The following RHOBTB1 variants were observed in gnomAD, a reference collection of about 807,000 sequenced individuals.
The protein encoded by RHOBTB1 is Rho related BTB domain containing 1, also known as rho-related BTB domain-containing protein 1.
In RHOBTB1, 40 loss-of-function variants were observed where a neutral mutation model predicts 71.6. The ratio of observed to expected loss-of-function variants is 0.56; its 90% confidence interval spans 0.43 to 0.73. RHOBTB1 has a LOEUF of 0.73. RHOBTB1 is among the 30% of genes least tolerant of loss of function. The pLI is 0.00. For synonymous variants in RHOBTB1, 319 were observed against 334.9 expected, an observed-to-expected ratio of 0.95 and a Z score of 0.52; for missense variants, 797 against 894.0, an observed-to-expected ratio of 0.89 and a Z score of 1.38.
chr10:60,979,693 C>T (rs574525109), intron 2 of RHOBTB1, among the ~76,000 whole-genome samples: 16 of 152,054 alleles, frequency 1.1e-4, no homozygotes, highest in Non-Finnish European at 1.5e-4. Context: ...ACTGTAACAA[C>T]GAGTGAATTA....
downstream of RHOBTB1, among the ~76,000 whole-genome samples, chr10:60,868,553 T>C (rs2080653627): frequency 6.6e-6 from 1 of 152,304 alleles, no homozygotes; most frequent in South Asian, 2.1e-4. Flanking sequence ...GAAGCAAGCA[T>C]GAAAAAATCT....
chr10:60,980,246 A>G (rs1282187141), intron 2 of RHOBTB1, among the ~76,000 whole-genome samples: 1 of 152,254 alleles, frequency 6.6e-6, no homozygotes, highest in Non-Finnish European at 1.5e-5. Context: ...AAATGCAAAC[A>G]TATTAGAGTT....
chr10:60,890,665 C>T (rs1257035123), intron 5 of RHOBTB1, among the ~76,000 whole-genome samples: 1 of 151,986 alleles, frequency 6.6e-6, no homozygotes, highest in Non-Finnish European at 1.5e-5. Flanking sequence ...CCTTTAACAC[C>T]AAAGGTAATA....
chr10:60,873,072 C>T (rs903394776), intron 9 of RHOBTB1, among the ~76,000 whole-genome samples: 8 of 152,168 alleles, frequency 5.3e-5, no homozygotes, highest in African/African-American at 1.9e-4. Context: ...CCCATATCTC[C>T]ACTGTGAGGC....
rs561278617 is a variant in RHOBTB1, at chr10:60,936,260, A to G, written c.-11+5544T>C. ...TGCACCCCTTAATCAACTGCAACATAGGTTGGCCTATGGATAGAAGAGTTC... is the reference window on the plus strand; with the variant it reads ...TGCACCCCTTAATCAACTGCAACATGGGTTGGCCTATGGATAGAAGAGTTC... On this transcript the variant is annotated intron_variant, in intron 2 of 10. Coordinates refer to ENST00000337910, the MANE Select transcript of RHOBTB1 (RefSeq NM_014836.5). Among the ~76,000 whole-genome samples the G allele has an allele frequency of 2.0e-5, 3 of 152,344 alleles. No individual in the cohort carries two copies. The South Asian group carries it at 6.2e-4, about 32-fold the overall frequency.
chr10:60,865,374 A>G (rs2080631998), downstream of RHOBTB1, among the ~76,000 whole-genome samples: 1 of 152,254 alleles, frequency 6.6e-6, no homozygotes, highest in Non-Finnish European at 1.5e-5. Context: ...ATTAAATTGT[A>G]CATATTTATA....
chr10:60,890,174 T>G (rs1274184334), intron 5 of RHOBTB1, among the ~76,000 whole-genome samples: 1 of 152,144 alleles, frequency 6.6e-6, no homozygotes, highest in Non-Finnish European at 1.5e-5. Context: ...TTCCTACAGC[T>G]CTTCTCTGTT....
intron 7 of RHOBTB1, among the ~76,000 whole-genome samples, chr10:60,882,239 G>T (rs1026429614): frequency 4.6e-5 from 7 of 151,028 alleles, no homozygotes; most frequent in African/African-American, 1.7e-4. Context: ...AGAATATAAT[G>T]CTACCCTAAA....
intron 4 of RHOBTB1, among the ~76,000 whole-genome samples, chr10:60,901,418 A>T (rs2082408429): frequency 1.3e-5 from 2 of 152,224 alleles, no homozygotes; most frequent in African/African-American, 4.8e-5. Context: ...TGGGTTCAAA[A>T]ATCACTAAGA....
chr10:60,902,510 G>A (rs923930238), intron 4 of RHOBTB1, among the ~76,000 whole-genome samples: 5 of 152,208 alleles, frequency 3.3e-5, no homozygotes, highest in Non-Finnish European at 5.9e-5. Flanking sequence ...TTGGAAAAGC[G>A]TTATTATTCA....
At chr10:60,876,865 C>T (rs1426732060) in intron 8 of RHOBTB1, among the ~76,000 whole-genome samples, 3 of 152,164 alleles carry the variant, frequency 2.0e-5, no homozygotes, top group Admixed American at 2.0e-4. Context: ...TTTCTAAAGA[C>T]ATTGCCAGAA....
rs71018931 is a variant in RHOBTB1, at chr10:60,880,202, T to TGAGAGA, written c.1576-2150_1576-2145dup. ...CTGTGTGTGTGTGTGTGTGTGTGTG[T>TGAGAGA]GAGAGAGAGAGAGAGAGAGAGAGAG... is the stretch of plus-strand genomic sequence containing the variant. On this transcript the variant is annotated intron_variant, in intron 7 of 10. Transcript: ENST00000337910. Among the ~76,000 whole-genome samples, 673 of 126,954 alleles carry TGAGAGA rather than the reference T, an allele frequency of 5.3e-3. 8 individuals are homozygous for TGAGAGA. The highest frequency in any genetic ancestry group is 8.7e-3 in the Middle Eastern group (2 of 230). The allele number at this position is 126,954 out of a possible 152,430, so 83.3% of individuals were successfully genotyped here.
intron 2 of RHOBTB1, among the ~76,000 whole-genome samples, chr10:60,916,026 C>A (rs1287937342): frequency 6.6e-6 from 1 of 152,192 alleles, no homozygotes; most frequent in Non-Finnish European, 1.5e-5. Flanking sequence ...AAAAAAACTC[C>A]TACCTTTACA....
chr10:60,948,015 T>C (rs2085293836), upstream of RHOBTB1, among the ~76,000 whole-genome samples: 1 of 152,218 alleles, frequency 6.6e-6, no homozygotes, highest in African/African-American at 2.4e-5. Context: ...TTATAATAGT[T>C]GTGTAGAGAC....
upstream of RHOBTB1, among the ~76,000 whole-genome samples, chr10:60,947,061 C>T (rs1349459120): frequency 6.6e-6 from 1 of 152,144 alleles, no homozygotes; most frequent in African/African-American, 2.4e-5. Context: ...AAATCTCAGA[C>T]TGTGGAAAAG....
intron 4 of RHOBTB1, among the ~76,000 whole-genome samples, chr10:60,907,350 C>G (rs1206064187): frequency 6.6e-6 from 1 of 152,164 alleles, no homozygotes; most frequent in South Asian, 2.1e-4. Context: ...GGAGACAACT[C>G]TTGAGTTGAG....
intron 1 of RHOBTB1, among the ~76,000 whole-genome samples, chr10:60,986,743 T>C (rs192619742): frequency 6.6e-6 from 1 of 152,204 alleles, no homozygotes; most frequent in Non-Finnish European, 1.5e-5. Flanking sequence ...AACAGTACTT[T>C]TGCTTGGAGG....
At chr10:60,942,410 T>C (rs1430126999) in intron 1 of RHOBTB1, among the ~76,000 whole-genome samples, 2 of 152,202 alleles carry the variant, frequency 1.3e-5, no homozygotes, top group African/African-American at 4.8e-5. Flanking sequence ...ATCTTCAAAC[T>C]CTGGGAAAAC....
At chr10:60,910,824 G>C (rs540717720) in intron 4 of RHOBTB1, 63 bp downstream of exon 4, 1 of 1,214,120 alleles carries the variant, frequency 8.2e-7, no homozygotes, top group South Asian at 1.2e-5. Context: ...TTGTAAACCC[G>C]CTGCTGGTTT....
Sources: allele counts gnomAD v4.1 joint callset (sites outside exome capture counted in the v4.1 genomes callset), GRCh38; gene constraint gnomAD v4.1.1; transcripts MANE v1.5; gene names NCBI Gene and HGNC (gene_info 2026-07-23, HGNC 2026-07-21).